Variants in AUTS2 observed in about 807,000 individuals in gnomAD.
AUTS2 encodes the protein autism susceptibility gene 2 protein.
Under a neutral mutation model 112.4 loss-of-function variants are expected in AUTS2, and 17 were observed. The ratio of observed to expected loss-of-function variants is 0.15; its 90% CI spans 0.10 to 0.23. The LOEUF (loss-of-function observed/expected upper bound fraction) is 0.23, where lower values mean the gene tolerates loss of function less well. Ranked by LOEUF, AUTS2 falls within the 10% of genes least tolerant of loss-of-function variation. The pLI, the probability that AUTS2 is intolerant of heterozygous loss-of-function variation, is 1.00. For missense variants in AUTS2, 1,510 were observed against 1,701.6 expected, an observed-to-expected ratio of 0.89 and a Z score of 1.98; for synonymous variants, 751 against 702.7, an observed-to-expected ratio of 1.07 and a Z score of -1.09.
chr7:69,997,987 T>C (rs1786333467), intron 2 of AUTS2, among the ~76,000 whole-genome samples: 1 of 152,186 alleles, frequency 6.6e-6, no homozygotes, highest in Non-Finnish European at 1.5e-5. Flanking sequence ...CAATTTAACA[T>C]TCTGTGATTT....
At chr7:69,757,850 T>C (rs1044745894) in intron 1 of AUTS2, among the ~76,000 whole-genome samples, 2 of 152,140 alleles carry the variant, frequency 1.3e-5, no homozygotes, top group African/African-American at 4.8e-5. Context: ...AAATGTGCAA[T>C]ACAAAAAAAG....
chr7:70,499,143 A>G (rs1490746128), intron 5 of AUTS2, among the ~76,000 whole-genome samples: 2 of 152,222 alleles, frequency 1.3e-5, no homozygotes, highest in Admixed American at 6.5e-5. Context: ...GGATGCTTAC[A>G]GTCTCACGGA....
At chr7:69,796,304 G>A (rs557227081) in intron 1 of AUTS2, among the ~76,000 whole-genome samples, 1 of 152,258 alleles carries the variant, frequency 6.6e-6, no homozygotes, top group South Asian at 2.1e-4. Context: ...AATCACTTGA[G>A]GCCAGAAGTT....
At chr7:70,072,413 A>G (rs1481040773) in intron 2 of AUTS2, among the ~76,000 whole-genome samples, 1 of 152,180 alleles carries the variant, frequency 6.6e-6, no homozygotes, top group Non-Finnish European at 1.5e-5. Flanking sequence ...GTTGTCCTCT[A>G]GTAGAATAAG....
At chr7:70,375,993 CGGA>C (rs1793067479) in intron 4 of AUTS2, among the ~76,000 whole-genome samples, 1 of 147,702 alleles carries the variant, frequency 6.8e-6, no homozygotes, top group African/African-American at 2.5e-5. Context: ...GAGGTGAGAA[CGGA>C]GGAGTAGTTT....
intron 2 of AUTS2, among the ~76,000 whole-genome samples, chr7:70,049,189 T>C (rs755860919): frequency 3.9e-5 from 6 of 152,222 alleles, no homozygotes; most frequent in Non-Finnish European, 5.9e-5. Flanking sequence ...GGCTGACTTA[T>C]AGGCTGTTTC....
intron 6 of AUTS2, among the ~76,000 whole-genome samples, chr7:70,719,904 A>G (rs770803029): frequency 7.2e-5 from 11 of 152,214 alleles, no homozygotes; most frequent in Non-Finnish European, 1.2e-4. Context: ...ATTTAGGATG[A>G]TGTTACTTAA....
At chr7:69,946,430 G>A (rs781246457) in intron 2 of AUTS2, among the ~76,000 whole-genome samples, 9 of 152,104 alleles carry the variant, frequency 5.9e-5, no homozygotes, top group Admixed American at 5.9e-4. Flanking sequence ...TAAAGGAAAT[G>A]TAGTCCATGT....
At chr7:70,501,100 A>G (rs1798754896) in intron 5 of AUTS2, among the ~76,000 whole-genome samples, 1 of 152,206 alleles carries the variant, frequency 6.6e-6, no homozygotes, top group East Asian at 1.9e-4. Flanking sequence ...GACTTTTTCT[A>G]CTTATTTTTA....
intron 5 of AUTS2, among the ~76,000 whole-genome samples, chr7:70,490,993 C>T (rs960012565): frequency 9.9e-5 from 15 of 152,180 alleles, no homozygotes; most frequent in Non-Finnish European, 2.9e-5. Context: ...CAGACAACAT[C>T]AAGAGAGAAG....
chr7:70,001,711 T>TA (rs1491170144), intron 2 of AUTS2, among the ~76,000 whole-genome samples: 5 of 73,832 alleles, frequency 6.8e-5, no homozygotes, highest in South Asian at 8.6e-4. Flanking sequence ...CATTGTCATA[T>TA]TTTTTTTTTT....
At chr7:69,670,082 C>T (rs1009997394) in intron 1 of AUTS2, among the ~76,000 whole-genome samples, 1 of 152,132 alleles carries the variant, frequency 6.6e-6, no homozygotes, top group Non-Finnish European at 1.5e-5. Flanking sequence ...ACCAGAGAGG[C>T]TGTTGCTTTC....
At chr7:69,960,463 A>C (rs992882184) in intron 2 of AUTS2, among the ~76,000 whole-genome samples, 4 of 152,184 alleles carry the variant, frequency 2.6e-5, no homozygotes, top group African/African-American at 7.2e-5. Context: ...CTGTAATTAA[A>C]ATCATTCTGA....
At chr7:69,936,854 A>G (rs1183602214) in intron 2 of AUTS2, among the ~76,000 whole-genome samples, 1 of 152,166 alleles carries the variant, frequency 6.6e-6, no homozygotes, top group Non-Finnish European at 1.5e-5. Context: ...AAACTTGAGA[A>G]TTATTGATCA....
intron 4 of AUTS2, among the ~76,000 whole-genome samples, chr7:70,309,454 G>T (rs1789637559): frequency 6.6e-6 from 1 of 152,120 alleles, no homozygotes; most frequent in Non-Finnish European, 1.5e-5. Flanking sequence ...TCCTATAAAG[G>T]TTTCTCACAT....
intron 2 of AUTS2, among the ~76,000 whole-genome samples, chr7:69,950,194 C>T (rs1429328611): frequency 1.3e-5 from 2 of 151,964 alleles, no homozygotes; most frequent in Non-Finnish European, 2.9e-5. Context: ...ATATCTATAC[C>T]TATATAAATT....
At chr7:70,723,553 AC>A (rs1786823744) in intron 6 of AUTS2, among the ~76,000 whole-genome samples, 1 of 151,942 alleles carries the variant, frequency 6.6e-6, no homozygotes, top group Non-Finnish European at 1.5e-5. Context: ...AGTCAGACAG[AC>A]AGCAGGAAGC....
At chr7:69,882,149 TCAAAA>T (rs1225161784) in intron 1 of AUTS2, among the ~76,000 whole-genome samples, 8 of 55,048 alleles carry the variant, frequency 1.5e-4, no homozygotes, top group Non-Finnish European at 3.1e-5. Flanking sequence ...AAACTCTGTC[TCAAAA>T]AAAAAAAAAA....
At chr7:69,939,835 C>G (rs186272226) in intron 2 of AUTS2, among the ~76,000 whole-genome samples, 1 of 152,244 alleles carries the variant, frequency 6.6e-6, no homozygotes, top group African/African-American at 2.4e-5. Flanking sequence ...AGAAATATCT[C>G]TTTGCTTCAT....
Sources: allele counts gnomAD v4.1 joint callset (sites outside exome capture counted in the v4.1 genomes callset), GRCh38; gene constraint gnomAD v4.1.1; transcripts MANE v1.5; gene names NCBI Gene and HGNC (gene_info 2026-07-23, HGNC 2026-07-21).